The following LRRC3B variants were observed in gnomAD, a reference collection of about 807,000 sequenced individuals.
LRRC3B encodes leucine rich repeat containing 3B, also known as leucine-rich repeat-containing protein 3B.
In LRRC3B, 2 loss-of-function variants were observed where a neutral mutation model predicts 12.8. That is an observed-to-expected ratio of 0.16 (90% confidence interval 0.06 to 0.49). The LOEUF is 0.49. Among genes scored for constraint, LRRC3B ranks in the 20% least tolerant of loss-of-function variants. The pLI is 0.96. For synonymous variants in LRRC3B, 132 were observed against 122.0 expected, an observed-to-expected ratio of 1.08 and a Z score of -0.54; for missense variants, 189 against 319.4, an observed-to-expected ratio of 0.59 and a Z score of 3.11.
At chr3:26,633,191 C>T (rs886315036) in intron 1 of LRRC3B, among the ~76,000 whole-genome samples, 1 of 152,106 alleles carries the variant, frequency 6.6e-6, no homozygotes, top group Non-Finnish European at 1.5e-5. Flanking sequence ...TCCCTTTCTT[C>T]CATCTAATTA....
chr3:26,655,969 A>G (rs1158192577), intron 1 of LRRC3B, among the ~76,000 whole-genome samples: 8 of 152,188 alleles, frequency 5.3e-5, no homozygotes. Flanking sequence ...CTAATAAATG[A>G]TAGTGCCGGA....
chr3:26,677,028 T>TA (rs1208308224), intron 1 of LRRC3B, among the ~76,000 whole-genome samples: 4 of 152,194 alleles, frequency 2.6e-5, no homozygotes, highest in Admixed American at 2.0e-4. Flanking sequence ...GAAATGACAC[T>TA]AGTCTAGGGG....
At chr3:26,634,406 A>G (rs1181770472) in intron 1 of LRRC3B, among the ~76,000 whole-genome samples, 2 of 152,234 alleles carry the variant, frequency 1.3e-5, no homozygotes, top group Admixed American at 6.5e-5. Context: ...AATTTTAACA[A>G]TAGATGGGGG....
At chr3:26,635,531 T>C (rs1331711752) in intron 1 of LRRC3B, among the ~76,000 whole-genome samples, 2 of 152,060 alleles carry the variant, frequency 1.3e-5, no homozygotes, top group African/African-American at 4.8e-5. Context: ...GGAAAGGCCA[T>C]GTGAGGACAC....
At chr3:26,671,588 T>C (rs2125432698) in intron 1 of LRRC3B, among the ~76,000 whole-genome samples, 1 of 150,576 alleles carries the variant, frequency 6.6e-6, no homozygotes, top group Admixed American at 6.6e-5. Flanking sequence ...AGAGACGGGG[T>C]TTCGTCATGT....
At chr3:26,682,204 C>T in intron 1 of LRRC3B, among the ~76,000 whole-genome samples, 1 of 152,170 alleles carries the variant, frequency 6.6e-6, no homozygotes, top group East Asian at 1.9e-4. Flanking sequence ...AACTCCCAAT[C>T]CCTTCTCCAC....
chr3:26,696,263 A>G (rs1015424267), intron 1 of LRRC3B, among the ~76,000 whole-genome samples: 1 of 152,220 alleles, frequency 6.6e-6, no homozygotes, highest in Non-Finnish European at 1.5e-5. Context: ...GTGTACACAT[A>G]TAAGGCCTGG....
At chr3:26,675,429 G>C (rs1439812717) in intron 1 of LRRC3B, among the ~76,000 whole-genome samples, 3 of 152,182 alleles carry the variant, frequency 2.0e-5, no homozygotes, top group Admixed American at 2.0e-4. Flanking sequence ...TGTCTTCCTG[G>C]TGCTCCAGAG....
At chr3:26,675,023 A>G (rs1362044849) in intron 1 of LRRC3B, among the ~76,000 whole-genome samples, 1 of 152,216 alleles carries the variant, frequency 6.6e-6, no homozygotes, top group Non-Finnish European at 1.5e-5. Context: ...CTGGGGTATC[A>G]CAGGCAGAAA....
chr3:26,660,763 T>C (rs1160822055), intron 1 of LRRC3B, among the ~76,000 whole-genome samples: 1 of 152,172 alleles, frequency 6.6e-6, no homozygotes, highest in East Asian at 1.9e-4. Context: ...GATGTAGACC[T>C]TGAGGTCAGA....
intron 1 of LRRC3B, among the ~76,000 whole-genome samples, chr3:26,637,461 T>C (rs1401199460): frequency 6.6e-6 from 1 of 152,192 alleles, no homozygotes; most frequent in African/African-American, 2.4e-5. Flanking sequence ...TTCTTTTCTC[T>C]ACCTTACCTT....
At chr3:26,697,953 T>G (rs771245056) in intron 1 of LRRC3B, among the ~76,000 whole-genome samples, 1 of 152,280 alleles carries the variant, frequency 6.6e-6, no homozygotes, top group South Asian at 2.1e-4. Context: ...TGATTCTGAT[T>G]TACCTATGTC....
chr3:26,684,938 C>CTTTATTTTATTTTAT (rs58072949), intron 1 of LRRC3B, among the ~76,000 whole-genome samples: 33 of 150,314 alleles, frequency 2.2e-4, no homozygotes, highest in Admixed American at 2.0e-3. Flanking sequence ...ACACAGGTTT[C>CTTTATTTTATTTTAT]TTTATTTTAT....
intron 1 of LRRC3B, among the ~76,000 whole-genome samples, chr3:26,681,827 C>T (rs1699977289): frequency 6.6e-6 from 1 of 152,100 alleles, no homozygotes; most frequent in Non-Finnish European, 1.5e-5. Context: ...ATATAGTAGT[C>T]ATCACTTACC....
chr3:26,637,057 C>T (rs1237769193), intron 1 of LRRC3B, among the ~76,000 whole-genome samples: 2 of 149,218 alleles, frequency 1.3e-5, no homozygotes, highest in Non-Finnish European at 3.0e-5. Flanking sequence ...AGTGCAATGG[C>T]GTGATCTCGG....
chr3:26,666,815 G>T (rs1260990247), intron 1 of LRRC3B, among the ~76,000 whole-genome samples: 2 of 151,948 alleles, frequency 1.3e-5, no homozygotes, highest in Non-Finnish European at 2.9e-5. Flanking sequence ...TTTCTCCTCT[G>T]GTCTGTGACA....
At chr3:26,677,683 T>C (rs1249913877) in intron 1 of LRRC3B, among the ~76,000 whole-genome samples, 3 of 152,210 alleles carry the variant, frequency 2.0e-5, no homozygotes, top group Non-Finnish European at 4.4e-5. Context: ...TATAACACAT[T>C]CTTATTTTCA....
At chr3:26,703,148 T>C (rs1700499101) in intron 1 of LRRC3B, among the ~76,000 whole-genome samples, 1 of 152,182 alleles carries the variant, frequency 6.6e-6, no homozygotes, top group Non-Finnish European at 1.5e-5. Flanking sequence ...TTTTCCTAGT[T>C]ATTTTAGTCA....
At chr3:26,630,242 C>G (rs1032271275) in intron 1 of LRRC3B, among the ~76,000 whole-genome samples, 20 of 152,196 alleles carry the variant, frequency 1.3e-4, no homozygotes, top group African/African-American at 4.6e-4. Context: ...AGGTCTCTTT[C>G]TCACATATCA....
Sources: gnomAD v4.1 joint callset for allele counts (sites outside exome capture counted in the v4.1 genomes callset) on GRCh38, gnomAD v4.1.1 for gene constraint, MANE v1.5 for transcripts, NCBI Gene and HGNC (gene_info 2026-07-23, HGNC 2026-07-21) for gene names.